KIAA0319L: variants seen among roughly 807,000 people sequenced by gnomAD.
The protein encoded by KIAA0319L is KIAA0319 like.
KIAA0319L carries 55 observed loss-of-function variants against 120.1 expected under a neutral mutation model. The observed-to-expected ratio is 0.46, with a 90% CI of 0.37 to 0.57. The LOEUF is 0.57. KIAA0319L is among the 20% of genes least tolerant of loss of function. The probability of loss-of-function intolerance (pLI) is 0.00; values close to 1 mark genes in which losing one functional copy is unlikely to be tolerated. For synonymous variants in KIAA0319L, 398 were observed against 471.9 expected (o/e 0.84, Z 2.03); for missense variants, 1,049 against 1,255.3 (o/e 0.84, Z 2.48).
At chr1:35,471,027 C>A (rs371451143) in intron 5 of KIAA0319L, 67 bp from the exon 6 acceptor site, 1 of 892,366 alleles carries the variant, frequency 1.1e-6, no homozygotes, top group Non-Finnish European at 1.9e-6. Flanking sequence ...AGCCACATAG[C>A]CTGCCAATAA....
intron 2 of KIAA0319L, among the ~76,000 whole-genome samples, chr1:35,549,346 T>C (rs974849745): frequency 6.6e-6 from 1 of 152,134 alleles, no homozygotes; most frequent in African/African-American, 2.4e-5. Context: ...GCCTCTACCT[T>C]TTCACTTGCT....
chr1:35,453,699 A>G lies in KIAA0319L; in HGVS notation c.1781-10T>C. On this transcript the variant is annotated splice_polypyrimidine_tract_variant and intron_variant, in intron 11 of 20. Coordinates refer to ENST00000325722, the MANE Select transcript of KIAA0319L (RefSeq NM_024874.5). The surrounding 1 kb of genome is among the most constrained non-coding windows in gnomAD (Gnocchi z 4.1). ...GGAGGCTTATTGTTTTCTGGAAGAC[A>G]AAGAGTTAGAGGTCAAAAGCAGCCA... 1 of 1,612,022 alleles carries G rather than the reference A, an allele frequency of 6.2e-7. No homozygotes were observed. Among genetic ancestry groups the G allele is most frequent in the African/African-American group, 1.3e-5 (1 of 74,916 alleles).
intron 2 of KIAA0319L, among the ~76,000 whole-genome samples, chr1:35,526,868 G>A (rs1223514874): frequency 6.6e-6 from 1 of 152,064 alleles, no homozygotes; most frequent in Non-Finnish European, 1.5e-5. Context: ...CATGAGGCCA[G>A]GAGTTAAAGA....
At chr1:35,490,868 T>C (rs1329293785) in intron 3 of KIAA0319L, among the ~76,000 whole-genome samples, 3 of 152,162 alleles carry the variant, frequency 2.0e-5, no homozygotes, top group Non-Finnish European at 4.4e-5. Context: ...TCTCATGAGA[T>C]CTGATGGTTT....
chr1:35,552,726 C>T (rs1261348799), intron 2 of KIAA0319L, among the ~76,000 whole-genome samples: 4 of 151,928 alleles, frequency 2.6e-5, no homozygotes, highest in Non-Finnish European at 5.9e-5. Context: ...GCCAGGAGTT[C>T]GAGACCAACC....
At chr1:35,544,055 G>T (rs1466633863) in intron 2 of KIAA0319L, among the ~76,000 whole-genome samples, 2 of 152,084 alleles carry the variant, frequency 1.3e-5, no homozygotes, top group Non-Finnish European at 2.9e-5. Flanking sequence ...GAGCATGGAA[G>T]TGGGACAAAA....
At chr1:35,459,373 G>A (rs541764094) in intron 9 of KIAA0319L, among the ~76,000 whole-genome samples, 29 of 152,270 alleles carry the variant, frequency 1.9e-4, no homozygotes, top group African/African-American at 6.3e-4. Context: ...TTGGGAGGCT[G>A]AGGCGGGTGG....
At chr1:35,482,178 A>G (rs1644199445) in intron 3 of KIAA0319L, among the ~76,000 whole-genome samples, 1 of 151,960 alleles carries the variant, frequency 6.6e-6, no homozygotes, top group Non-Finnish European at 1.5e-5. Flanking sequence ...ATGGAATCAC[A>G]AAGTAAGTAC....
intron 2 of KIAA0319L, among the ~76,000 whole-genome samples, chr1:35,513,815 C>A (rs994878052): frequency 6.6e-6 from 1 of 152,134 alleles, no homozygotes; most frequent in African/African-American, 2.4e-5. Context: ...CTCTGACAAA[C>A]GTTTCCTTTA....
chr1:35,513,286 A>ATTTTT (rs1410797390), intron 2 of KIAA0319L, among the ~76,000 whole-genome samples: 6 of 102,750 alleles, frequency 5.8e-5, no homozygotes, highest in African/African-American at 2.0e-4. Flanking sequence ...ATATATATAT[A>ATTTTT]TATTTTTTTT....
At chr1:35,465,761 G>A (rs1463433961) in intron 7 of KIAA0319L, among the ~76,000 whole-genome samples, 1 of 152,210 alleles carries the variant, frequency 6.6e-6, no homozygotes, top group Non-Finnish European at 1.5e-5. Context: ...GAGGAACCCA[G>A]TGGGAGGAAC....
At chr1:35,494,647 A>C (rs184189617) in intron 3 of KIAA0319L, among the ~76,000 whole-genome samples, 1 of 142,374 alleles carries the variant, frequency 7.0e-6, no homozygotes, top group Non-Finnish European at 1.6e-5. Context: ...TAACAAAGGG[A>C]AAAAAAAAAA....
At chr1:35,466,831 T>G (rs1257838270) in intron 6 of KIAA0319L, 136 bp from the exon 7 acceptor site, 1 of 657,716 alleles carries the variant, frequency 1.5e-6, no homozygotes, top group African/African-American at 1.8e-5. Context: ...AAAGGTAAAG[T>G]AGCCTGTAAT....
chr1:35,547,202 C>T (rs1647016413), intron 2 of KIAA0319L, among the ~76,000 whole-genome samples: 1 of 144,746 alleles, frequency 6.9e-6, no homozygotes, highest in South Asian at 2.2e-4. Context: ...ATATATAATC[C>T]AGCAATTCCA....
intron 2 of KIAA0319L, among the ~76,000 whole-genome samples, chr1:35,519,662 G>A (rs998572113): frequency 2.0e-5 from 3 of 152,058 alleles, no homozygotes; most frequent in Non-Finnish European, 2.9e-5. Flanking sequence ...TCCAGACCAG[G>A]ATCTATGTGC....
At chr1:35,455,940 G>A (rs1453289072) in intron 10 of KIAA0319L, 73 bp downstream of exon 10, 1 of 1,135,948 alleles carries the variant, frequency 8.8e-7, no homozygotes, top group Non-Finnish European at 1.3e-6. Context: ...AGTTTGTTTG[G>A]AGGTTTCTAA....
intron 3 of KIAA0319L, among the ~76,000 whole-genome samples, chr1:35,496,591 G>A (rs1261145785): frequency 2.6e-5 from 4 of 152,070 alleles, no homozygotes; most frequent in Non-Finnish European, 4.4e-5. Context: ...CCATTAACAG[G>A]TAAATGGATA....
At chr1:35,533,622 C>A (rs1470153306) in intron 2 of KIAA0319L, among the ~76,000 whole-genome samples, 1 of 152,150 alleles carries the variant, frequency 6.6e-6, no homozygotes, top group East Asian at 1.9e-4. Flanking sequence ...AGGAGAAAGG[C>A]ACAGCCTTAA....
At position 35,443,262 on chromosome 1, in the gene KIAA0319L, A is replaced by G. The variant is rs1017171142; in HGVS notation, c.2657-234T>C. On this transcript the variant is annotated intron_variant, in intron 17 of 20. Transcript: ENST00000325722. ...GCCTGTCTTCACTTGTTGTTTGTCTATATCAGCAATTCTTAATCTTTTATG... is the reference window on the plus strand; with the variant it reads ...GCCTGTCTTCACTTGTTGTTTGTCTGTATCAGCAATTCTTAATCTTTTATG... The G allele has an allele frequency of 7.7e-5, 39 of 505,732 alleles. 2 individuals are homozygous for G. The South Asian group carries it at 9.9e-4, about 13-fold the overall frequency. 31.3% of individuals were successfully genotyped at this position (505,732 alleles called of 1,614,324 possible). A position where few individuals can be genotyped will look rare whatever the true frequency, so the allele number is the denominator to read the frequency against.
Sources: allele counts gnomAD v4.1 joint callset (sites outside exome capture counted in the v4.1 genomes callset), GRCh38; gene constraint gnomAD v4.1.1; non-coding constraint Gnocchi (gnomAD v3.1); transcripts MANE v1.5; gene names NCBI Gene and HGNC (gene_info 2026-07-23, HGNC 2026-07-21).